Variants in FGD3 observed in about 807,000 individuals in gnomAD.
FGD3 encodes FYVE, RhoGEF and PH domain-containing protein 3.
FGD3 carries 45 observed loss-of-function variants against 71.8 expected under a neutral mutation model. The ratio of observed to expected loss-of-function variants is 0.63; its 90% CI spans 0.49 to 0.80. FGD3 has a LOEUF of 0.80. Ranked by LOEUF, FGD3 falls within the 30% of genes least tolerant of loss-of-function variation. The pLI, the probability that FGD3 is intolerant of heterozygous loss-of-function variation, is 0.00. For synonymous variants in FGD3, 378 were observed against 392.8 expected (o/e 0.96, Z 0.44); for missense variants, 844 against 951.5 (o/e 0.89, Z 1.49).
At chr9:93,021,538 G>T (rs768713177) in intron 13 of FGD3, among the ~76,000 whole-genome samples, 36 of 152,252 alleles carry the variant, frequency 2.4e-4, no homozygotes, top group Non-Finnish European at 4.6e-4. Context: ...CATATCCAGG[G>T]AGGCACCCAG....
At chr9:93,028,189 C>T (rs532595869) in intron 14 of FGD3, among the ~76,000 whole-genome samples, 27 of 138,708 alleles carry the variant, frequency 1.9e-4, no homozygotes, top group African/African-American at 7.3e-4. Flanking sequence ...CCCTCAGCCC[C>T]TAGCCCCGAC....
chr9:92,965,173 GT>G (rs536176879), intron 1 of FGD3, among the ~76,000 whole-genome samples: 275 of 152,336 alleles, frequency 1.8e-3, no homozygotes, highest in African/African-American at 5.7e-3. Flanking sequence ...GCAGAGGCAT[GT>G]TCGGGTCACA....
At chr9:92,953,817 G>A (rs1481564113) in intron 1 of FGD3, among the ~76,000 whole-genome samples, 2 of 152,176 alleles carry the variant, frequency 1.3e-5, no homozygotes, top group Non-Finnish European at 2.9e-5. Context: ...TTTTCAGAAA[G>A]CAGAATTACA....
chr9:93,022,390 G>C lies in FGD3; in HGVS notation c.1557+1G>C, dbSNP rs763782728. On this transcript the variant is annotated splice_donor_variant, in intron 14 of 17. Coordinates refer to ENST00000375482, the MANE Select transcript of FGD3 (RefSeq NM_001083536.2). LOFTEE classifies it high-confidence loss of function. ...CGAAGGCAGTTCGGGTGCAGCAGGGGTAAGTGCCCCATGCTCAGCGGTCAG... is the reference window on the plus strand; with the variant it reads ...CGAAGGCAGTTCGGGTGCAGCAGGGCTAAGTGCCCCATGCTCAGCGGTCAG... 1 of 1,612,330 alleles carries C rather than the reference G, an allele frequency of 6.2e-7. No individual in the cohort carries two copies. The highest frequency in any genetic ancestry group is 2.2e-5 in the East Asian group (1 of 44,860).
intron 3 of FGD3, among the ~76,000 whole-genome samples, chr9:92,980,646 A>G (rs555043542): frequency 3.3e-5 from 5 of 151,230 alleles, no homozygotes; most frequent in Non-Finnish European, 5.9e-5. Flanking sequence ...TGATGATTTC[A>G]TTTTTTTCTT....
chr9:92,962,439 A>G (rs1251053106), intron 1 of FGD3, among the ~76,000 whole-genome samples: 1 of 152,210 alleles, frequency 6.6e-6, no homozygotes, highest in African/African-American at 2.4e-5. Context: ...GGCTGGAAGC[A>G]TCTGGATGGT....
intron 15 of FGD3, among the ~76,000 whole-genome samples, chr9:93,031,662 T>C (rs1397792336): frequency 6.6e-6 from 1 of 152,200 alleles, no homozygotes; most frequent in African/African-American, 2.4e-5. Flanking sequence ...AGACCTGCGA[T>C]ATGAGCTCAG....
chr9:93,032,308 C>T (rs1234885137), intron 15 of FGD3: 4 of 173,434 alleles, frequency 2.3e-5, no homozygotes, highest in East Asian at 1.5e-4. Context: ...AGTTTACTTC[C>T]CACCAACAGT....
chr9:93,015,473 G>GT (rs902240640), intron 9 of FGD3, among the ~76,000 whole-genome samples: 10 of 151,154 alleles, frequency 6.6e-5, no homozygotes, highest in South Asian at 2.1e-4. Flanking sequence ...ATAAAAAAAG[G>GT]TTTTTTTTTA....
intron 1 of FGD3, among the ~76,000 whole-genome samples, chr9:92,949,954 C>T (rs911830531): frequency 6.6e-6 from 1 of 152,164 alleles, no homozygotes; most frequent in African/African-American, 2.4e-5. Flanking sequence ...TTCATCAACT[C>T]CCTTTCTCTT....
intron 10 of FGD3, among the ~76,000 whole-genome samples, chr9:93,016,951 A>T (rs1262969109): frequency 6.6e-6 from 1 of 152,232 alleles, no homozygotes; most frequent in African/African-American, 2.4e-5. Flanking sequence ...AAACACTAGA[A>T]AAGTGGTTTC....
intron 15 of FGD3, among the ~76,000 whole-genome samples, chr9:93,031,834 C>G (rs1249532341): frequency 5.3e-5 from 8 of 152,098 alleles, no homozygotes; most frequent in Non-Finnish European, 1.2e-4. Flanking sequence ...GTGGGTGGCC[C>G]TGAGACAGCA....
At chr9:93,006,295 A>C (rs948489426) in intron 6 of FGD3, 115 bp downstream of exon 6, 32 of 1,156,512 alleles carry the variant, frequency 2.8e-5, no homozygotes, top group Non-Finnish European at 3.5e-5. Flanking sequence ...AAGTAACATG[A>C]CATTACTAAA....
Position 93,034,619 on chromosome 9 carries a change from G to A in FGD3, c.1864G>A (p.Glu622Lys), listed in dbSNP as rs1463216793. 20 of 1,613,370 alleles carry A rather than the reference G, an allele frequency of 1.2e-5. No homozygotes were observed. The East Asian group carries it at 1.8e-4, about 14-fold the overall frequency. Residue 622 changes from glutamate (E) to lysine (K), a missense_variant, in exon 17 of 18, where the codon GAG (glutamate) becomes AAG (lysine). Physicochemically the swap from Glu to Lys is moderately conservative, Grantham distance 56. Transcript: ENST00000375482. ...GTCAGAGAGCGGTGAGACCTGGAGC[G>A]AGGTGTGGGCCGCCATCCCCATGTC... ...RLSESGETWS[E>K]VWAAIPMSDP...
At position 93,002,967 on chromosome 9, in the gene FGD3, CT is replaced by C. The variant is rs1425794302; in HGVS notation, c.497del (p.Leu166ArgfsTer8). 1 of 1,614,044 alleles carries C rather than the reference CT, an allele frequency of 6.2e-7. No homozygotes were observed. Among genetic ancestry groups the C allele is most frequent in the Non-Finnish European group, 8.5e-7 (1 of 1,180,052 alleles). On this transcript the variant is annotated frameshift_variant, in exon 4 of 18. Transcript: ENST00000375482. LOFTEE classifies it high-confidence loss of function. ...GCTTCTCCACATTGCCCAGGAGCTC[CT>C]GCACACCGAGGAGACCTATGTGAAG... The part of the protein sequence containing the change: ...QKLLHIAQEL[L>X]HTEETYVKRL...
intron 1 of FGD3, among the ~76,000 whole-genome samples, chr9:92,962,020 C>G (rs1261869664): frequency 6.6e-6 from 1 of 152,216 alleles, no homozygotes. Context: ...AGATAACCAG[C>G]ATTTGATGAT....
chr9:92,981,418 A>C (rs1417354242), intron 3 of FGD3, among the ~76,000 whole-genome samples: 3 of 151,820 alleles, frequency 2.0e-5, no homozygotes, highest in Non-Finnish European at 4.4e-5. Context: ...GTATAATTTC[A>C]GTCTTTGTGT....
rs185417583 is a variant in FGD3 at position 93,019,815 on chromosome 9, C to T, written c.1356-16C>T. 101 of 1,613,240 alleles carry T rather than the reference C, an allele frequency of 6.3e-5. No individual in the cohort carries two copies. The East Asian group carries it at 1.4e-3, about 22-fold the overall frequency. On this transcript the variant is annotated splice_polypyrimidine_tract_variant and intron_variant, in intron 11 of 17. Transcript: ENST00000375482. The stretch of plus-strand genomic sequence containing the variant: ...ATCCAAGACTGGATTAATACAAGAC[C>T]GTTTTGGTTTTTTAGGACAGAGGAA...
chr9:92,992,995 C>T (rs975389603), intron 3 of FGD3, among the ~76,000 whole-genome samples: 1 of 152,180 alleles, frequency 6.6e-6, no homozygotes, highest in Non-Finnish European at 1.5e-5. Context: ...CTCCACACTG[C>T]TCTCTCAATC....
Sources: gnomAD v4.1 joint callset for allele counts (sites outside exome capture counted in the v4.1 genomes callset) on GRCh38, gnomAD v4.1.1 for gene constraint, MANE v1.5 for transcripts, NCBI Gene and HGNC (gene_info 2026-07-23, HGNC 2026-07-21) for gene names.